Variants in DIAPH2 observed in about 807,000 individuals in gnomAD.
DIAPH2 encodes diaphanous related formin 2.
DIAPH2 carries 35 observed loss-of-function variants against 92.7 expected under a neutral mutation model. The observed-to-expected ratio is 0.38, with a 90% CI of 0.29 to 0.50. The LOEUF (loss-of-function observed/expected upper bound fraction) is 0.50, where lower values mean the gene tolerates loss of function less well. DIAPH2 is among the 20% of genes least tolerant of loss of function. The pLI, the probability that DIAPH2 is intolerant of heterozygous loss-of-function variation, is 0.94. For missense variants in DIAPH2, 701 were observed against 819.5 expected (o/e 0.86, Z 1.77); for synonymous variants, 301 against 280.4 (o/e 1.07, Z -0.73).
At chrX:97,549,168 G>C (rs1049763856) in intron 26 of DIAPH2, among the ~76,000 whole-genome samples, 4 of 111,574 alleles carry the variant, frequency 3.6e-5, no homozygotes, top group Admixed American at 1.9e-4. Context: ...AGACAGGCAG[G>C]CTTGCTAAAT....
chrX:97,461,086 G>T (rs1177013696), intron 26 of DIAPH2, among the ~76,000 whole-genome samples: 1 of 111,527 alleles, frequency 9.0e-6, no homozygotes, highest in Non-Finnish European at 1.9e-5. Context: ...GAAATGGCAA[G>T]AGTTAAGAAA....
At chrX:97,460,173 C>A (rs972479598) in intron 26 of DIAPH2, among the ~76,000 whole-genome samples, 3 of 111,106 alleles carry the variant, frequency 2.7e-5, no homozygotes, top group Non-Finnish European at 5.7e-5. Flanking sequence ...ATGTTAGAAT[C>A]CCAACTTCCA....
intron 26 of DIAPH2, among the ~76,000 whole-genome samples, chrX:97,466,341 T>TA (rs2070512630): frequency 8.9e-6 from 1 of 111,862 alleles, no homozygotes. Flanking sequence ...GTAGGTTGTT[T>TA]AAAAAATCAT....
At chrX:97,206,911 C>T (rs961218050) in intron 22 of DIAPH2, among the ~76,000 whole-genome samples, 7 of 111,149 alleles carry the variant, frequency 6.3e-5, no homozygotes, top group African/African-American at 2.3e-4. Flanking sequence ...TTTTAATGGC[C>T]TGTGATCCTG....
chrX:97,122,646 T>C (rs1047930478), intron 21 of DIAPH2, among the ~76,000 whole-genome samples: 1 of 111,993 alleles, frequency 8.9e-6, no homozygotes, highest in Non-Finnish European at 1.9e-5. Flanking sequence ...GAGGGAGATG[T>C]GGTTGATAAT....
chrX:96,807,884 G>A (rs1175053412), intron 4 of DIAPH2, among the ~76,000 whole-genome samples: 2 of 89,844 alleles, frequency 2.2e-5, no homozygotes, highest in Non-Finnish European at 4.2e-5. Context: ...TGGTCTATGA[G>A]GCTATTGGGG....
intron 12 of DIAPH2, among the ~76,000 whole-genome samples, chrX:96,940,480 A>G (rs1382601134): frequency 9.0e-6 from 1 of 111,508 alleles, no homozygotes; most frequent in Non-Finnish European, 1.9e-5. Context: ...TGTTCTTCAT[A>G]CTCTGATTTG....
intron 23 of DIAPH2, among the ~76,000 whole-genome samples, chrX:97,342,461 TATCTC>T (rs1296182432): frequency 1.8e-5 from 2 of 112,739 alleles, no homozygotes; most frequent in African/African-American, 6.4e-5. Flanking sequence ...ATTATTTTTT[TATCTC>T]AGAAAGCTGT....
intron 4 of DIAPH2, among the ~76,000 whole-genome samples, chrX:96,866,932 A>C (rs1026540156): frequency 8.9e-6 from 1 of 112,100 alleles, no homozygotes; most frequent in African/African-American, 3.2e-5. Flanking sequence ...TTCTAAAATA[A>C]TTGTTTTGAG....
chrX:97,247,674 C>T (rs777758187), intron 22 of DIAPH2, 41 bp from the exon 23 acceptor site: 20 of 1,133,100 alleles, frequency 1.8e-5, no homozygotes, highest in East Asian at 3.2e-5. Context: ...TTGTGGAACA[C>T]TTGGTAAAAT....
intron 21 of DIAPH2, among the ~76,000 whole-genome samples, chrX:97,138,548 A>G (rs12851931): frequency 0.41 from 45,857 of 110,767 alleles, 7,766 homozygotes; most frequent in Non-Finnish European, 0.54. Context: ...AAATTGCTGT[A>G]TATGGTTTAT....
At chrX:96,742,906 C>T (rs2064128684) in intron 3 of DIAPH2, among the ~76,000 whole-genome samples, 1 of 112,051 alleles carries the variant, frequency 8.9e-6, no homozygotes, top group Non-Finnish European at 1.9e-5. Flanking sequence ...TCTGGTGATC[C>T]GCCTGCCTTG....
Position 97,429,263 on chromosome X carries a change from G to A in DIAPH2, c.3146-387G>A, listed in dbSNP as rs756693287. ...TCAGTATTTAACCTTGTGTAACTCC[G>A]CTTCATCAAATCACGCCCTGCACAT... On this transcript the variant is annotated intron_variant, in intron 25 of 26. Coordinates refer to ENST00000324765, the MANE Select transcript of DIAPH2 (RefSeq NM_006729.5). Among the ~76,000 whole-genome samples, 7 of 111,944 alleles carry A rather than the reference G, an allele frequency of 6.3e-5. No individual in the cohort carries two copies. The South Asian group carries it at 1.1e-3, about 18-fold the overall frequency.
At chrX:97,002,905 A>G (rs1014869594) in intron 17 of DIAPH2, among the ~76,000 whole-genome samples, 2 of 111,487 alleles carry the variant, frequency 1.8e-5, no homozygotes, top group Non-Finnish European at 3.8e-5. Flanking sequence ...TCATCTAACT[A>G]TACTTTTGTA....
chrX:96,765,516 G>T (rs2147607561), intron 4 of DIAPH2, among the ~76,000 whole-genome samples: 1 of 111,598 alleles, frequency 9.0e-6, no homozygotes, highest in African/African-American at 3.3e-5. Flanking sequence ...TTCTATTATA[G>T]TATATTGTTA....
chrX:97,438,349 T>C lies in DIAPH2; in HGVS notation c.3241+8604T>C, dbSNP rs1306925666. On this transcript the variant is annotated intron_variant, in intron 26 of 26. Coordinates refer to ENST00000324765, the MANE Select transcript of DIAPH2 (RefSeq NM_006729.5). ...AGAGGCAGCTTCTTGTTTTTTTTTT[T>C]TGTTTGTTTGTTTTTTTTTTTTTTT... Among the ~76,000 whole-genome samples the C allele has an allele frequency of 4.1e-5, 3 of 73,257 alleles. No individual in the cohort carries two copies. The Admixed American group carries it at 5.0e-4, about 12-fold the overall frequency. 63.6% of individuals were successfully genotyped at this position (73,257 alleles called of 115,157 possible). A position where few individuals can be genotyped will look rare whatever the true frequency, so the allele number is the denominator to read the frequency against.
At chrX:96,961,346 G>T (rs2065846225) in intron 16 of DIAPH2, among the ~76,000 whole-genome samples, 1 of 106,427 alleles carries the variant, frequency 9.4e-6, no homozygotes, top group Non-Finnish European at 1.9e-5. Context: ...GTATTTCTGT[G>T]CTATCAGTTG....
chrX:97,383,690 A>G (rs2069571676), intron 24 of DIAPH2, among the ~76,000 whole-genome samples: 1 of 109,108 alleles, frequency 9.2e-6, no homozygotes, highest in African/African-American at 3.3e-5. Context: ...TCTCAAAAGT[A>G]TATATATGCA....
chrX:96,830,158 C>T (rs182920086), intron 4 of DIAPH2, among the ~76,000 whole-genome samples: 4 of 111,224 alleles, frequency 3.6e-5, no homozygotes, highest in South Asian at 3.7e-4. Flanking sequence ...TTATTCAATC[C>T]AAAATTTAAT....
Sources: allele counts gnomAD v4.1 joint callset (sites outside exome capture counted in the v4.1 genomes callset), GRCh38; gene constraint gnomAD v4.1.1; transcripts MANE v1.5; gene names NCBI Gene and HGNC (gene_info 2026-07-23, HGNC 2026-07-21).